Variants in GPR39 observed in about 807,000 individuals in gnomAD.
GPR39 encodes G protein-coupled receptor 39.
Under a neutral mutation model 18.4 loss-of-function variants are expected in GPR39, and 23 were observed. The ratio of observed to expected loss-of-function variants is 1.25; its 90% CI spans 0.90 to 1.77. The LOEUF (loss-of-function observed/expected upper bound fraction) is 1.77, where lower values mean the gene tolerates loss of function less well. GPR39 is among the 40% of genes most tolerant of loss of function. The pLI, the probability that GPR39 is intolerant of heterozygous loss-of-function variation, is 0.00. For missense variants in GPR39, 647 were observed against 602.4 expected (o/e 1.07, Z -0.78); for synonymous variants, 280 against 257.9 (o/e 1.09, Z -0.82).
At chr2:132,638,281 A>C (rs754934441) in intron 1 of GPR39, among the ~76,000 whole-genome samples, 4 of 152,120 alleles carry the variant, frequency 2.6e-5, no homozygotes, top group Non-Finnish European at 5.9e-5. Context: ...ACTGATGAAA[A>C]TGTGATGCTT....
At chr2:132,628,198 G>C (rs1455749967) in intron 1 of GPR39, among the ~76,000 whole-genome samples, 1 of 152,198 alleles carries the variant, frequency 6.6e-6, no homozygotes, top group Non-Finnish European at 1.5e-5. Flanking sequence ...GGAGCCTAAT[G>C]TCCTGGAGTT....
intron 1 of GPR39, among the ~76,000 whole-genome samples, chr2:132,601,634 G>A (rs1292257034): frequency 6.6e-6 from 1 of 152,024 alleles, no homozygotes; most frequent in Non-Finnish European, 1.5e-5. Flanking sequence ...CAATCAAATT[G>A]TCCCTCTTTG....
chr2:132,598,431 CTTTT>C (rs34104835), intron 1 of GPR39, among the ~76,000 whole-genome samples: 5 of 90,460 alleles, frequency 5.5e-5, no homozygotes, highest in African/African-American at 1.8e-4. Context: ...CTAAGGTGAA[CTTTT>C]TTTTTTTTTT....
At chr2:132,561,056 G>A (rs573001283) in intron 1 of GPR39, among the ~76,000 whole-genome samples, 6 of 151,888 alleles carry the variant, frequency 4.0e-5, no homozygotes, top group Non-Finnish European at 7.4e-5. Flanking sequence ...TGGGACTACA[G>A]GAACGTGCCA....
At chr2:132,534,071 GA>G (rs1679695568) in intron 1 of GPR39, among the ~76,000 whole-genome samples, 1 of 151,984 alleles carries the variant, frequency 6.6e-6, no homozygotes, top group Non-Finnish European at 1.5e-5. Context: ...CAGAATGGGA[GA>G]AAATTTTTGC....
intron 1 of GPR39, among the ~76,000 whole-genome samples, chr2:132,428,665 T>C (rs1680172142): frequency 6.6e-6 from 1 of 152,226 alleles, no homozygotes; most frequent in African/African-American, 2.4e-5. Flanking sequence ...GGAATACCTA[T>C]GTCCTAACAT....
chr2:132,508,705 G>A (rs1299100729), intron 1 of GPR39, among the ~76,000 whole-genome samples: 1 of 152,174 alleles, frequency 6.6e-6, no homozygotes, highest in Admixed American at 6.5e-5. Flanking sequence ...TTACCACCAT[G>A]GGCAATAAGC....
chr2:132,610,308 G>A (rs1053701941), intron 1 of GPR39, among the ~76,000 whole-genome samples: 6 of 152,114 alleles, frequency 3.9e-5, no homozygotes, highest in Admixed American at 2.6e-4. Context: ...CTTCCTAGGC[G>A]TAGTCATCAC....
At chr2:132,429,083 GC>G (rs1056605621) in intron 1 of GPR39, among the ~76,000 whole-genome samples, 7 of 152,168 alleles carry the variant, frequency 4.6e-5, no homozygotes, top group African/African-American at 1.7e-4. Context: ...GAGCACTAGG[GC>G]CAGCCAGCCA....
intron 1 of GPR39, among the ~76,000 whole-genome samples, chr2:132,443,342 CTT>C (rs35374281): frequency 0.18 from 27,644 of 152,122 alleles, 2,720 homozygotes; most frequent in Middle Eastern, 0.35. Flanking sequence ...GATGGAGTGA[CTT>C]ATGATATTTT....
At chr2:132,518,355 G>A (rs1054795849) in intron 1 of GPR39, among the ~76,000 whole-genome samples, 2 of 152,186 alleles carry the variant, frequency 1.3e-5, no homozygotes, top group African/African-American at 4.8e-5. Context: ...AATTAATTTA[G>A]CTCACAGCTA....
chr2:132,466,482 G>A (rs377188628), intron 1 of GPR39, among the ~76,000 whole-genome samples: 3 of 152,118 alleles, frequency 2.0e-5, no homozygotes, highest in Middle Eastern at 3.2e-3. Flanking sequence ...TTGTAGCTCT[G>A]GGGAACATTC....
At chr2:132,442,430 A>C (rs985301207) in intron 1 of GPR39, among the ~76,000 whole-genome samples, 17 of 152,154 alleles carry the variant, frequency 1.1e-4, no homozygotes, top group Middle Eastern at 3.2e-3. Flanking sequence ...TGTAAAGAGC[A>C]CACAGATGCT....
chr2:132,467,175 T>A (rs1187628775), intron 1 of GPR39, among the ~76,000 whole-genome samples: 1 of 152,136 alleles, frequency 6.6e-6, no homozygotes, highest in Non-Finnish European at 1.5e-5. Context: ...GAGGAGTGTG[T>A]CAGTCTACAG....
At chr2:132,622,587 G>T (rs1315533190) in intron 1 of GPR39, among the ~76,000 whole-genome samples, 2 of 152,096 alleles carry the variant, frequency 1.3e-5, no homozygotes, top group Non-Finnish European at 2.9e-5. Flanking sequence ...TACCTGGAAG[G>T]TATATATTGA....
chr2:132,608,560 C>A (rs1311039068), intron 1 of GPR39, among the ~76,000 whole-genome samples: 2 of 152,210 alleles, frequency 1.3e-5, no homozygotes, highest in Non-Finnish European at 2.9e-5. Flanking sequence ...GGCCGTGTCA[C>A]AGGCTGGCAA....
At position 132,591,257 on chromosome 2, in the gene GPR39, C is replaced by CAAAAAA. The variant is rs747314988; in HGVS notation, c.857-53829_857-53824dup. Among the ~76,000 whole-genome samples the CAAAAAA allele has an allele frequency of 1.2e-3, 29 of 24,600 alleles. 3 individuals carry two copies. The highest frequency in any genetic ancestry group is 5.3e-3 in the African/African-American group (25 of 4,742). The allele number at this position is 24,600 out of a possible 152,430, so 16.1% of individuals were successfully genotyped here. A position where few individuals can be genotyped will look rare whatever the true frequency, so the allele number is the denominator to read the frequency against. ...TGGGCGACAGAGCGAGACTCCGTCT[C>CAAAAAA]AAAAAAAAAAAAAAAAAAAACAAAA... On this transcript the variant is annotated intron_variant, in intron 1 of 1. Coordinates refer to ENST00000329321, the MANE Select transcript of GPR39 (RefSeq NM_001508.3).
chr2:132,601,607 A>T (rs959927357), intron 1 of GPR39, among the ~76,000 whole-genome samples: 1 of 152,106 alleles, frequency 6.6e-6, no homozygotes, highest in Non-Finnish European at 1.5e-5. Context: ...GAAAAAGCAT[A>T]TACACTGAAA....
intron 1 of GPR39, among the ~76,000 whole-genome samples, chr2:132,466,104 C>T (rs1329039100): frequency 1.3e-5 from 2 of 152,128 alleles, no homozygotes; most frequent in Admixed American, 1.3e-4. Context: ...TCATGCTTAG[C>T]ATACTCTTGA....
Sources: gnomAD v4.1 joint callset for allele counts (sites outside exome capture counted in the v4.1 genomes callset) on GRCh38, gnomAD v4.1.1 for gene constraint, MANE v1.5 for transcripts, NCBI Gene and HGNC (gene_info 2026-07-23, HGNC 2026-07-21) for gene names.